RBFOX1: variants seen among roughly 807,000 people sequenced by gnomAD.
RBFOX1 encodes RNA binding fox-1 homolog 1.
RBFOX1 carries 8 observed loss-of-function variants against 57.7 expected under a neutral mutation model. That is an observed-to-expected ratio of 0.14 (90% CI 0.08 to 0.25). The LOEUF (loss-of-function observed/expected upper bound fraction) is 0.25, where lower values mean the gene tolerates loss of function less well. RBFOX1 is among the 10% of genes least tolerant of loss of function. RBFOX1 has a pLI of 1.00. For missense variants in RBFOX1, 611 were observed against 548.5 expected (o/e 1.11, Z -1.14); for synonymous variants, 326 against 222.4 (o/e 1.47, Z -4.15).
intron 10 of RBFOX1, among the ~76,000 whole-genome samples, chr16:7,618,472 G>C (rs1201681016): frequency 2.0e-5 from 3 of 151,766 alleles, no homozygotes; most frequent in East Asian, 1.9e-4. Context: ...CTTATTTCGT[G>C]GTTTTCTCTA....
chr16:6,438,878 TA>T (rs1206733803), intron 2 of RBFOX1, among the ~76,000 whole-genome samples: 1 of 152,208 alleles, frequency 6.6e-6, no homozygotes, highest in African/African-American at 2.4e-5. Flanking sequence ...GGTACTTTGT[TA>T]GTTATCTGCA....
At chr16:5,431,936 G>A (rs552200906) in intron 1 of RBFOX1, among the ~76,000 whole-genome samples, 14 of 152,232 alleles carry the variant, frequency 9.2e-5, no homozygotes, top group South Asian at 2.1e-4. Context: ...ATCCTCTGAC[G>A]GACAACGGAG....
chr16:6,782,459 T>G (rs2081192133), intron 3 of RBFOX1, among the ~76,000 whole-genome samples: 1 of 152,144 alleles, frequency 6.6e-6, no homozygotes, highest in Admixed American at 6.5e-5. Flanking sequence ...GTTTCCAGAG[T>G]TCCTCTTATT....
chr16:7,393,635 C>A (rs947704044), intron 4 of RBFOX1, among the ~76,000 whole-genome samples: 1 of 152,020 alleles, frequency 6.6e-6, no homozygotes, highest in African/African-American at 2.4e-5. Context: ...GGAAACATAG[C>A]CTCAGCCTGA....
chr16:7,584,588 G>A (rs534290673), intron 6 of RBFOX1, among the ~76,000 whole-genome samples: 5 of 152,294 alleles, frequency 3.3e-5, no homozygotes, highest in African/African-American at 1.2e-4. Context: ...ACCATGCCTG[G>A]CCTGGATCCT....
At chr16:5,421,322 C>G (rs533132874) in intron 1 of RBFOX1, among the ~76,000 whole-genome samples, 1 of 152,304 alleles carries the variant, frequency 6.6e-6, no homozygotes, top group African/African-American at 2.4e-5. Context: ...CCACCTTCTT[C>G]TTAAATGAAA....
At chr16:6,820,098 G>A (rs893386513) in intron 3 of RBFOX1, among the ~76,000 whole-genome samples, 2 of 152,088 alleles carry the variant, frequency 1.3e-5, no homozygotes, top group African/African-American at 4.8e-5. Context: ...ATAATAGTGA[G>A]TAAGTCTCAT....
Position 7,191,762 on chromosome 16 carries a change from G to C in RBFOX1, c.27+139664G>C, listed in dbSNP as rs149571642. 1.1e-4 allele frequency among the ~76,000 whole-genome samples: 16 copies of C among 152,318 alleles called. No homozygotes were observed. In the East Asian group the frequency reaches 3.1e-3, roughly 29 times the overall value. On this transcript the variant is annotated intron_variant, in intron 4 of 15. Transcript: ENST00000550418. ...GGTTAGAGCGAAAGCTGAAATAATTGAGTATGAAGCCCTAAGAATTCTCTG... is the reference window on the plus strand; with the variant it reads ...GGTTAGAGCGAAAGCTGAAATAATTCAGTATGAAGCCCTAAGAATTCTCTG...
Position 5,832,651 on chromosome 16 carries a change from G to A in RBFOX1, c.319-34652G>A, listed in dbSNP as rs149451177. 3.1e-3 allele frequency among the ~76,000 whole-genome samples: 478 copies of A among 152,304 alleles called. 5 individuals are homozygous for A. The highest frequency in any genetic ancestry group is 0.011 in the African/African-American group (453 of 41,568). On this transcript the variant is annotated intron_variant, in intron 3 of 19. Transcript: ENST00000641259. ...GAGCCTGTAAGTTCCCTGAAGGCAGGTGTGCAATTGTGGGTCAATTAGCCT... is the reference window on the plus strand; with the variant it reads ...GAGCCTGTAAGTTCCCTGAAGGCAGATGTGCAATTGTGGGTCAATTAGCCT...
chr16:5,479,670 A>T (rs974769814), intron 2 of RBFOX1, among the ~76,000 whole-genome samples: 1 of 151,996 alleles, frequency 6.6e-6, no homozygotes, highest in African/African-American at 2.4e-5. Flanking sequence ...GAGGCAGGAG[A>T]ATCGCTTGAA....
chr16:7,466,523 C>T (rs1364948665), intron 4 of RBFOX1, among the ~76,000 whole-genome samples: 1 of 152,156 alleles, frequency 6.6e-6, no homozygotes, highest in African/African-American at 2.4e-5. Flanking sequence ...AAGTTTGCTT[C>T]AACTCCACGA....
chr16:6,362,355 A>G (rs902391526), intron 2 of RBFOX1, among the ~76,000 whole-genome samples: 2 of 152,070 alleles, frequency 1.3e-5, no homozygotes, highest in African/African-American at 2.4e-5. Flanking sequence ...TACAAATTTG[A>G]TGATACTTAG....
chr16:7,598,453 A>T (rs754012051), intron 9 of RBFOX1, among the ~76,000 whole-genome samples: 13 of 152,192 alleles, frequency 8.5e-5, no homozygotes, highest in Non-Finnish European at 1.8e-4. Flanking sequence ...ATGGAATTTT[A>T]TACTTCTAAA....
chr16:6,728,754 C>G (rs914337368), intron 3 of RBFOX1, among the ~76,000 whole-genome samples: 4 of 152,098 alleles, frequency 2.6e-5, no homozygotes, highest in Non-Finnish European at 4.4e-5. Context: ...TGTCTCCTTA[C>G]CTTCTGAATT....
At chr16:6,224,165 G>C (rs551741699) in intron 1 of RBFOX1, among the ~76,000 whole-genome samples, 19 of 151,946 alleles carry the variant, frequency 1.3e-4, no homozygotes, top group African/African-American at 3.9e-4. Context: ...TTTTGGCTTA[G>C]GATTGACTTG....
intron 2 of RBFOX1, among the ~76,000 whole-genome samples, chr16:6,463,778 C>T (rs1030557161): frequency 9.9e-5 from 15 of 152,204 alleles, no homozygotes; most frequent in African/African-American, 3.6e-4. Flanking sequence ...CCCTGAACAG[C>T]ACCAGCAAAG....
chr16:6,632,067 G>C (rs990231853), intron 2 of RBFOX1, among the ~76,000 whole-genome samples: 1 of 152,146 alleles, frequency 6.6e-6, no homozygotes, highest in Admixed American at 6.5e-5. Context: ...GTTTAGTAAG[G>C]ATGTGCTGGA....
At chr16:6,612,017 C>G (rs1221566305) in intron 2 of RBFOX1, among the ~76,000 whole-genome samples, 2 of 152,100 alleles carry the variant, frequency 1.3e-5, no homozygotes, top group African/African-American at 4.8e-5. Flanking sequence ...GAAAAAATTC[C>G]TTTTGGTTGA....
chr16:7,588,341 C>A (rs1013745403), intron 7 of RBFOX1, among the ~76,000 whole-genome samples: 20 of 152,160 alleles, frequency 1.3e-4, no homozygotes, highest in Admixed American at 1.1e-3. Context: ...AGGCTCCAGC[C>A]CTGATCTGTT....
Sources: allele counts gnomAD v4.1 joint callset (sites outside exome capture counted in the v4.1 genomes callset), GRCh38; gene constraint gnomAD v4.1.1; transcripts MANE v1.5; gene names NCBI Gene and HGNC (gene_info 2026-07-23, HGNC 2026-07-21).